WDR45: variants seen among roughly 807,000 people sequenced by gnomAD.
The protein encoded by WDR45 is WD repeat domain 45.
Under a neutral mutation model 27.3 loss-of-function variants are expected in WDR45, and 2 were observed. The observed-to-expected ratio is 0.07, with a 90% CI of 0.03 to 0.23. The LOEUF is 0.23. WDR45 is among the 10% of genes least tolerant of loss of function. WDR45 has a pLI of 1.00. For missense variants in WDR45, 175 were observed against 311.9 expected (o/e 0.56, Z 3.31); for synonymous variants, 99 against 119.2 (o/e 0.83, Z 1.11).
rs1557083744 is a variant in WDR45 at position 49,074,559 on chromosome X, T to A, written c.*244A>T. 2 of 398,371 alleles carry A rather than the reference T, an allele frequency of 5.0e-6. No homozygotes were observed. Among genetic ancestry groups the A allele is most frequent in the African/African-American group, 5.1e-5 (2 of 39,575 alleles). 32.8% of individuals were successfully genotyped at this position (398,371 alleles called of 1,213,427 possible). A position where few individuals can be genotyped will look rare whatever the true frequency, so the allele number is the denominator to read the frequency against. On this transcript the variant is annotated 3_prime_UTR_variant, in exon 11 of 11. Transcript: ENST00000376372. Reference sequence around the variant, plus strand: ...TCCCTCTGGGTCCCTGGCAATTTCCTCCAGGTTAGGGATCCCAAGGGGTCG... The same window carrying A: ...TCCCTCTGGGTCCCTGGCAATTTCCACCAGGTTAGGGATCCCAAGGGGTCG...
At chrX:49,090,958 C>CA (rs1279663005) in intron 2 of WDR45, among the ~76,000 whole-genome samples, 5 of 110,309 alleles carry the variant, frequency 4.5e-5, no homozygotes, top group African/African-American at 9.9e-5. Context: ...CGCAGCCTCC[C>CA]AAGTGGCGCC....
At chrX:49,088,867 AAAAG>A (rs1557086276) in intron 2 of WDR45, among the ~76,000 whole-genome samples, 1 of 112,019 alleles carries the variant, frequency 8.9e-6, no homozygotes, top group African/African-American at 3.2e-5. Context: ...CAAACAAACA[AAAAG>A]AAGTCACTAA....
At chrX:49,075,074 G>A (rs2065028277) in intron 10 of WDR45, 62 bp downstream of exon 10, 1 of 1,192,984 alleles carries the variant, frequency 8.4e-7, no homozygotes, top group East Asian at 3.0e-5. Flanking sequence ...AATCCTTTCA[G>A]GTCCAACCTG....
At chrX:49,078,276 C>A (rs1384737295) in intron 1 of WDR45, among the ~76,000 whole-genome samples, 164 bp from the exon 2 acceptor site, 2 of 112,764 alleles carry the variant, frequency 1.8e-5, no homozygotes, top group African/African-American at 6.4e-5. Flanking sequence ...AATCCCAGCA[C>A]TTTGGGAGGC....
chrX:49,074,803 T>G lies in WDR45; in HGVS notation c.1083A>C (p.Ter361TyrextTer7). 1 of 1,207,273 alleles carries G rather than the reference T, an allele frequency of 8.3e-7. No individual in the cohort carries two copies. The highest frequency in any genetic ancestry group is 1.1e-6 in the Non-Finnish European group (1 of 891,839). The change falls in exon 11 of 11, where the codon TAA (stop) becomes TAC (tyrosine). Residue 361 changes from the stop codon to tyrosine, a stop_lost. Transcript: ENST00000376372. ...YLDICDDDDF* is the reference protein window; with the variant it reads ...YLDICDDDDFY ...GTCCCTAGCACAGCCCCCAGGGTCC[T>G]TAAAAGTCATCATCATCACAGATGT... is the stretch of plus-strand genomic sequence containing the variant.
intron 4 of WDR45, chrX:49,077,398 C>A (rs1372432399): frequency 4.6e-6 from 2 of 437,571 alleles, no homozygotes; most frequent in Admixed American, 4.1e-5. Context: ...GTGCTTAGGG[C>A]AGTTCCAGGC....
intron 2 of WDR45, among the ~76,000 whole-genome samples, chrX:49,086,692 C>A (rs1305506563): frequency 4.5e-5 from 5 of 111,179 alleles, no homozygotes; most frequent in Non-Finnish European, 1.9e-5. Context: ...CTCCTGGGTT[C>A]AAGTGATTCT....
intron 2 of WDR45, among the ~76,000 whole-genome samples, chrX:49,095,414 G>A (rs2065121172): frequency 9.2e-6 from 1 of 109,180 alleles, no homozygotes; most frequent in Non-Finnish European, 1.9e-5. Flanking sequence ...GCCAAGGCGG[G>A]CGAGCCTCCT....
intron 6 of WDR45, 139 bp downstream of exon 6, chrX:49,076,291 G>A (rs781927069): frequency 1.3e-5 from 9 of 681,413 alleles, no homozygotes; most frequent in African/African-American, 6.5e-5. Context: ...AAGATGGAGA[G>A]GCTATGAGTG....
upstream of WDR45, among the ~76,000 whole-genome samples, chrX:49,084,627 A>G (rs2065080620): frequency 2.6e-5 from 2 of 77,513 alleles, no homozygotes; most frequent in Non-Finnish European, 4.9e-5. Flanking sequence ...ACCAAAATAC[A>G]TGAAACAATG....
chrX:49,078,031 CCT>C lies in WDR45; in HGVS notation c.55+8_55+9del. 5 of 1,212,198 alleles carry C rather than the reference CCT, an allele frequency of 4.1e-6. No individual in the cohort carries two copies. The highest frequency in any genetic ancestry group is 5.6e-6 in the Non-Finnish European group (5 of 895,529). Reference sequence around the variant, plus strand: ...CCTCCCACAAGGGTACAGGCCCAATCCTCTCTCACTTTGGTCTTGGTTGAAAC... The same window carrying C: ...CCTCCCACAAGGGTACAGGCCCAATCCTCTCACTTTGGTCTTGGTTGAAAC... On this transcript the variant is annotated splice_region_variant and intron_variant, in intron 2 of 10. Transcript: ENST00000376372.
chrX:49,081,530 GAAA>G (rs782310285), upstream of WDR45, among the ~76,000 whole-genome samples: 1 of 60,690 alleles, frequency 1.6e-5, no homozygotes, highest in African/African-American at 6.1e-5. Context: ...ACTCTGTCTC[GAAA>G]AAAAAAAAAA....
chrX:49,084,989 G>A (rs1296623377), intron 2 of WDR45, among the ~76,000 whole-genome samples: 6 of 111,828 alleles, frequency 5.4e-5, no homozygotes, highest in African/African-American at 1.9e-4. Context: ...AGTGATCCCT[G>A]AAAGATGGGA....
rs2147816448 is a variant in WDR45 at position 49,076,606 on chromosome X, G to A, written c.341+39C>T. 6 of 1,202,037 alleles carry A rather than the reference G, an allele frequency of 5.0e-6. No individual in the cohort carries two copies. The East Asian group carries it at 1.8e-4, about 36-fold the overall frequency. Reference sequence around the variant, plus strand: ...GGACTATCCCTCTCACTTACTGTGGGGACCTCCTACCTCCCACCCCGGTCC... The same window carrying A: ...GGACTATCCCTCTCACTTACTGTGGAGACCTCCTACCTCCCACCCCGGTCC... On this transcript the variant is annotated intron_variant, in intron 5 of 10. Coordinates refer to ENST00000376372, the MANE Select transcript of WDR45 (RefSeq NM_001029896.2).
intron 2 of WDR45, among the ~76,000 whole-genome samples, chrX:49,094,266 C>T (rs898201377): frequency 1.8e-5 from 2 of 110,694 alleles, no homozygotes; most frequent in Non-Finnish European, 3.8e-5. Flanking sequence ...GCCAGGAGTT[C>T]GAGACCAGCC....
rs1226298548 is a variant in WDR45 at position 49,074,623 on chromosome X, C to G, written c.*180G>C. ...TCTCTGGCCTGGCCCTTGGGGCACA[C>G]AGTCATCAAGAAGTGCTGGGGGGAA... On this transcript the variant is annotated 3_prime_UTR_variant, in exon 11 of 11. Transcript: ENST00000376372. 4.5e-6 allele frequency: 2 copies of G among 440,541 alleles called. No individual in the cohort carries two copies. The highest frequency in any genetic ancestry group is 7.9e-6 in the Non-Finnish European group (2 of 253,160). 36.3% of individuals were successfully genotyped at this position (440,541 alleles called of 1,213,427 possible). A position where few individuals can be genotyped will look rare whatever the true frequency, so the allele number is the denominator to read the frequency against.
Position 49,077,761 on chromosome X carries a change from AG to A in WDR45, c.131-15del, listed in dbSNP as rs782087468. 1 of 1,200,985 alleles carries A rather than the reference AG, an allele frequency of 8.3e-7. No homozygotes were observed. The highest frequency in any genetic ancestry group is 3.0e-5 in the East Asian group (1 of 33,393). On this transcript the variant is annotated splice_polypyrimidine_tract_variant and intron_variant, in intron 3 of 10. Coordinates refer to ENST00000376372, the MANE Select transcript of WDR45 (RefSeq NM_001029896.2). ...CCTGCTCGTGGTCTGGACAGGGACC[AG>A]GGTGTCAGTGGAGGTGGGAGCCAAC...
At chrX:49,086,983 G>A (rs2065088365) in intron 2 of WDR45, among the ~76,000 whole-genome samples, 2 of 110,930 alleles carry the variant, frequency 1.8e-5, no homozygotes, top group Admixed American at 9.6e-5. Context: ...ACCGCTCCCA[G>A]CCTAGTTTTA....
intron 2 of WDR45, among the ~76,000 whole-genome samples, chrX:49,094,479 T>G (rs375245146): frequency 9.4e-6 from 1 of 105,868 alleles, no homozygotes; most frequent in Non-Finnish European, 1.9e-5. Flanking sequence ...AGAAAAAAAA[T>G]TTTTTTTTTT....
Sources: gnomAD v4.1 joint callset for allele counts (sites outside exome capture counted in the v4.1 genomes callset) on GRCh38, gnomAD v4.1.1 for gene constraint, MANE v1.5 for transcripts, NCBI Gene and HGNC (gene_info 2026-07-23, HGNC 2026-07-21) for gene names.